FUT8: variants seen among roughly 807,000 people sequenced by gnomAD.
The protein encoded by FUT8 is fucosyltransferase 8.
In FUT8, 29 loss-of-function variants were observed where a neutral mutation model predicts 71.3. The ratio of observed to expected loss-of-function variants is 0.41; its 90% CI spans 0.30 to 0.55. The LOEUF (loss-of-function observed/expected upper bound fraction) is 0.55, where lower values mean the gene tolerates loss of function less well. FUT8 is among the 20% of genes least tolerant of loss of function. The pLI is 0.34. For synonymous variants in FUT8, 254 were observed against 239.3 expected (o/e 1.06, Z -0.57); for missense variants, 544 against 702.1 (o/e 0.77, Z 2.55).
At chr14:65,683,753 A>G (rs1454505797) in intron 7 of FUT8, among the ~76,000 whole-genome samples, 4 of 152,156 alleles carry the variant, frequency 2.6e-5, no homozygotes, top group Non-Finnish European at 5.9e-5. Context: ...AGGCATAAAG[A>G]TTCCCTGATT....
chr14:65,654,767 A>C (rs1281339035), intron 6 of FUT8, among the ~76,000 whole-genome samples: 2 of 152,204 alleles, frequency 1.3e-5, no homozygotes, highest in African/African-American at 4.8e-5. Flanking sequence ...AGCAAATAAA[A>C]AACAATAAAG....
At chr14:65,361,356 C>CAAAAAAAAAAAAA in the FUT8 span, among the ~76,000 whole-genome samples, 11 of 64,988 alleles carry the variant, frequency 1.7e-4, no homozygotes, top group African/African-American at 6.8e-4. Flanking sequence ...AACTCTGTCT[C>CAAAAAAAAAAAAA]AAAAAAAAAA....
chr14:65,521,950 G>A (rs1346900932), intron 2 of FUT8, among the ~76,000 whole-genome samples: 1 of 151,660 alleles, frequency 6.6e-6, no homozygotes, highest in African/African-American at 2.4e-5. Context: ...AACTCTTTTG[G>A]ATGTTATGCA....
chr14:65,740,154 A>G (rs575378290), intron 10 of FUT8, among the ~76,000 whole-genome samples: 75 of 152,174 alleles, frequency 4.9e-4, no homozygotes, highest in East Asian at 2.1e-3. Flanking sequence ...TATTCTACCA[A>G]TGATCTCAAT....
intron 2 of FUT8, among the ~76,000 whole-genome samples, chr14:65,536,136 A>G (rs1252262389): frequency 2.0e-5 from 3 of 151,986 alleles, no homozygotes; most frequent in Non-Finnish European, 4.4e-5. Flanking sequence ...TTTTTAGCCT[A>G]CGGGTGTCAT....
intron 1 of FUT8, among the ~76,000 whole-genome samples, chr14:65,444,390 A>G (rs2065707206): frequency 6.6e-6 from 1 of 152,206 alleles, no homozygotes. Context: ...TTCAGAGAAC[A>G]ATTTGGTGGT....
Position 65,660,029 on chromosome 14 carries a change from A to T in FUT8, c.598-9214A>T, listed in dbSNP as rs1209549665. On this transcript the variant is annotated intron_variant, in intron 6 of 10. Transcript: ENST00000673929. This position sits in a 1 kb window ranked among gnomAD's most constrained non-coding sequence, Gnocchi z 4.1. ...CTGTGCATTTATATAGGATTGTCAGATTCTGGCTCCTCATGTAACTCAACT... is the reference window on the plus strand; with the variant it reads ...CTGTGCATTTATATAGGATTGTCAGTTTCTGGCTCCTCATGTAACTCAACT... Among the ~76,000 whole-genome samples the T allele has an allele frequency of 6.6e-6, 1 of 152,180 alleles. No homozygotes were observed. Among genetic ancestry groups the T allele is most frequent in the Non-Finnish European group, 1.5e-5 (1 of 68,018 alleles).
At chr14:65,716,633 C>T (rs1895077565) in intron 7 of FUT8, among the ~76,000 whole-genome samples, 1 of 152,052 alleles carries the variant, frequency 6.6e-6, no homozygotes, top group African/African-American at 2.4e-5. Context: ...CTACTTCTTT[C>T]TACACAGACA....
chr14:65,729,338 A>G (rs576470339), intron 9 of FUT8, among the ~76,000 whole-genome samples: 96 of 152,086 alleles, frequency 6.3e-4, no homozygotes, highest in African/African-American at 2.1e-3. Flanking sequence ...TTTAATGACT[A>G]CATACATATA....
At position 65,482,732 on chromosome 14, in the gene FUT8, A is replaced by G. The variant is rs534991389; in HGVS notation, c.-228+27014A>G. 4.6e-5 allele frequency among the ~76,000 whole-genome samples: 7 copies of G among 152,218 alleles called. No individual in the cohort carries two copies. The East Asian group carries it at 7.7e-4, about 17-fold the overall frequency. On this transcript the variant is annotated intron_variant, in intron 2 of 10. Coordinates refer to ENST00000673929, the MANE Select transcript of FUT8 (RefSeq NM_001371533.1). ...CCAATCTGTTGCCTCTCAGCTCCAA[A>G]TGCATCCTTTTTGCCTGCTCTGTGA...
At chr14:65,511,897 T>A (rs576540871) in intron 2 of FUT8, among the ~76,000 whole-genome samples, 1 of 152,284 alleles carries the variant, frequency 6.6e-6, no homozygotes, top group South Asian at 2.1e-4. Context: ...TTACACTCAG[T>A]GTTATTATTG....
chr14:65,428,366 T>A lies in FUT8; in HGVS notation c.-326+15152T>A, dbSNP rs12437132. On this transcript the variant is annotated intron_variant, in intron 1 of 10. Transcript: ENST00000673929. Reference sequence around the variant, plus strand: ...GTGGGGCCTTTGGGAGGTACCTACGTCATGAGCGCAGAGCTCTCAGGAATG... The same window carrying A: ...GTGGGGCCTTTGGGAGGTACCTACGACATGAGCGCAGAGCTCTCAGGAATG... 5.7e-3 allele frequency among the ~76,000 whole-genome samples: 870 copies of A among 152,240 alleles called. 31 individuals carry two copies. The East Asian group carries it at 0.093, about 16-fold the overall frequency.
rs772391545 is a variant in FUT8, at chr14:65,505,564, A to G, written c.-228+49846A>G. On this transcript the variant is annotated intron_variant, in intron 2 of 10. Transcript: ENST00000673929. The stretch of plus-strand genomic sequence containing the variant: ...CATGACCTCATGATCTGCCCGCCTT[A>G]GCCTCCCAAAGTGCTGGGATTACAG... 4.6e-5 allele frequency among the ~76,000 whole-genome samples: 7 copies of G among 152,064 alleles called. No homozygotes were observed. The South Asian group carries it at 8.3e-4, about 18-fold the overall frequency.
At chr14:65,541,746 C>T (rs1396282431) in intron 2 of FUT8, among the ~76,000 whole-genome samples, 1 of 152,184 alleles carries the variant, frequency 6.6e-6, no homozygotes, top group African/African-American at 2.4e-5. Flanking sequence ...CTGGGTATCC[C>T]TTAACCCAGT....
Position 65,726,578 on chromosome 14 carries a change from C to T in FUT8, c.1259+2255C>T, listed in dbSNP as rs936761244. ...GAACACCAGGGGAAAGATTTGCCCC[C>T]GTGATTCAATTACCTTCCACTGGGT... On this transcript the variant is annotated intron_variant, in intron 9 of 10. Coordinates refer to ENST00000673929, the MANE Select transcript of FUT8 (RefSeq NM_001371533.1). 8.5e-5 allele frequency among the ~76,000 whole-genome samples: 13 copies of T among 152,106 alleles called. No individual in the cohort carries two copies. In the East Asian group the frequency reaches 1.2e-3, roughly 14 times the overall value.
At chr14:65,611,912 C>T (rs975219435) in intron 3 of FUT8, among the ~76,000 whole-genome samples, 12 of 152,214 alleles carry the variant, frequency 7.9e-5, no homozygotes, top group African/African-American at 2.9e-4. Flanking sequence ...CTGCCTGCCT[C>T]AGCCTCCCAA....
rs1321943619 is a variant in FUT8 at position 65,660,677 on chromosome 14, G to A, written c.598-8566G>A. Among the ~76,000 whole-genome samples, 1 of 152,192 alleles carries A rather than the reference G, an allele frequency of 6.6e-6. No homozygotes were observed. The highest frequency in any genetic ancestry group is 6.5e-5 in the Admixed American group (1 of 15,278). ...CTAGAGGGGTGGAAAGGATGCCTTA[G>A]TACAGTCTTAACTTTGCTATGGAAA... On this transcript the variant is annotated intron_variant, in intron 6 of 10. Transcript: ENST00000673929. The surrounding 1 kb of genome is among the most constrained non-coding windows in gnomAD (Gnocchi z 4.1).
At chr14:65,401,607 G>T in the FUT8 span, among the ~76,000 whole-genome samples, 1 of 152,062 alleles carries the variant, frequency 6.6e-6, no homozygotes, top group Non-Finnish European at 1.5e-5. Flanking sequence ...GTAGAATAAA[G>T]AATAAAAAGG....
rs537231698 is a variant in FUT8 at position 65,521,018 on chromosome 14, C to T, written c.-227-40319C>T. ...CTTTTTATTTTTGAAAAAAATAAGC[C>T]CATTCCAGTTTAATGAATATGATAA... On this transcript the variant is annotated intron_variant, in intron 2 of 10. Transcript: ENST00000673929. 2.6e-5 allele frequency among the ~76,000 whole-genome samples: 4 copies of T among 151,732 alleles called. No homozygotes were observed. The South Asian group carries it at 8.3e-4, about 32-fold the overall frequency.
Sources: allele counts gnomAD v4.1 joint callset (sites outside exome capture counted in the v4.1 genomes callset), GRCh38; gene constraint gnomAD v4.1.1; non-coding constraint Gnocchi (gnomAD v3.1); transcripts MANE v1.5; gene names NCBI Gene and HGNC (gene_info 2026-07-23, HGNC 2026-07-21).